The following HERPUD2 variants were observed in gnomAD, a reference collection of about 807,000 sequenced individuals.
HERPUD2 encodes the protein homocysteine-responsive endoplasmic reticulum-resident ubiquitin-like domain member 2 protein.
A neutral mutation model predicts 49.9 loss-of-function variants in HERPUD2; 13 were observed. The observed-to-expected ratio is 0.26, with a 90% CI of 0.17 to 0.41. The LOEUF is 0.41. Among genes scored for constraint, HERPUD2 ranks in the 10% least tolerant of loss-of-function variants. The probability of loss-of-function intolerance (pLI) is 1.00; values close to 1 mark genes in which losing one functional copy is unlikely to be tolerated. For synonymous variants in HERPUD2, 172 were observed against 171.4 expected, an observed-to-expected ratio of 1.00 and a Z score of -0.03; for missense variants, 449 against 492.2, an observed-to-expected ratio of 0.91 and a Z score of 0.83.
At chr7:35,652,352 G>A (rs554566106) in intron 5 of HERPUD2, among the ~76,000 whole-genome samples, 1 of 152,210 alleles carries the variant, frequency 6.6e-6, no homozygotes, top group African/African-American at 2.4e-5. Flanking sequence ...TGGTGCCAGG[G>A]CTCTGACACC....
At chr7:35,634,550 C>T (rs1784839786) in intron 7 of HERPUD2, 121 bp from the exon 8 acceptor site, 1 of 615,430 alleles carries the variant, frequency 1.6e-6, no homozygotes, top group Non-Finnish European at 2.8e-6. Context: ...ATAAAAAGAC[C>T]AAATCTCCCA....
At chr7:35,670,179 A>G (rs747176445) in intron 4 of HERPUD2, 36 bp downstream of exon 4, 14 of 1,056,274 alleles carry the variant, frequency 1.3e-5, no homozygotes, top group Admixed American at 2.5e-5. Flanking sequence ...AAAAAAAAAG[A>G]AAAGTTCAAT....
intron 6 of HERPUD2, 101 bp downstream of exon 6, chr7:35,638,249 A>T: frequency 8.4e-7 from 1 of 1,184,980 alleles, no homozygotes; most frequent in Non-Finnish European, 1.2e-6. Context: ...AACATTAAAT[A>T]CATAAACAAA....
intron 5 of HERPUD2, among the ~76,000 whole-genome samples, chr7:35,658,020 A>G (rs770063373): frequency 4.6e-5 from 7 of 152,208 alleles, no homozygotes; most frequent in Non-Finnish European, 1.0e-4. Flanking sequence ...AGTATGTCAA[A>G]GATACCTGCA....
At chr7:35,641,718 A>G (rs1351014314) in intron 5 of HERPUD2, among the ~76,000 whole-genome samples, 2 of 152,084 alleles carry the variant, frequency 1.3e-5, no homozygotes, top group East Asian at 3.8e-4. Context: ...AGCAATGGGA[A>G]AACTATTCAA....
intron 2 of HERPUD2, among the ~76,000 whole-genome samples, chr7:35,679,212 GA>G (rs1166640418): frequency 2.6e-5 from 4 of 151,970 alleles, no homozygotes; most frequent in Non-Finnish European, 5.9e-5. Flanking sequence ...TTTTTATCCA[GA>G]AAAAAACTCA....
intron 5 of HERPUD2, among the ~76,000 whole-genome samples, chr7:35,656,055 G>A (rs1433719949): frequency 2.6e-5 from 4 of 152,102 alleles, no homozygotes; most frequent in Non-Finnish European, 5.9e-5. Flanking sequence ...CCACTTACTT[G>A]GGAGGCTGAG....
At chr7:35,658,261 A>C (rs1785326006) in intron 5 of HERPUD2, among the ~76,000 whole-genome samples, 1 of 152,206 alleles carries the variant, frequency 6.6e-6, no homozygotes, top group Admixed American at 6.5e-5. Context: ...TCACTCATAT[A>C]TGGAAGCTAA....
chr7:35,660,844 T>TA (rs1785402800), intron 5 of HERPUD2, among the ~76,000 whole-genome samples: 1 of 152,222 alleles, frequency 6.6e-6, no homozygotes, highest in Non-Finnish European at 1.5e-5. Context: ...TTCACTCTGA[T>TA]GGTAGTTTAT....
At chr7:35,658,543 T>C (rs1178907002) in intron 5 of HERPUD2, among the ~76,000 whole-genome samples, 2 of 152,208 alleles carry the variant, frequency 1.3e-5, no homozygotes, top group African/African-American at 2.4e-5. Context: ...TTACACATTC[T>C]ATGCATGTGT....
intron 4 of HERPUD2, among the ~76,000 whole-genome samples, chr7:35,669,567 T>G (rs191484069): frequency 1.1e-4 from 17 of 152,300 alleles, no homozygotes; most frequent in Non-Finnish European, 1.9e-4. Context: ...ATAAAAGGAT[T>G]GGGGACAATG....
At chr7:35,687,928 TTCCTAGTATA>T (rs978014488) in intron 2 of HERPUD2, among the ~76,000 whole-genome samples, 5 of 152,202 alleles carry the variant, frequency 3.3e-5, no homozygotes, top group Non-Finnish European at 7.4e-5. Context: ...AAAAATCATG[TTCCTAGTATA>T]TCCAACTTCA....
At chr7:35,666,070 T>C (rs1467185106) in intron 5 of HERPUD2, among the ~76,000 whole-genome samples, 20 of 152,214 alleles carry the variant, frequency 1.3e-4, no homozygotes, top group Admixed American at 1.2e-3. Context: ...CTGTATAAAC[T>C]GAGAGGAACT....
At chr7:35,664,374 T>C (rs1341433530) in intron 5 of HERPUD2, among the ~76,000 whole-genome samples, 2 of 152,214 alleles carry the variant, frequency 1.3e-5, no homozygotes. Flanking sequence ...TGTCTTGGAA[T>C]TGCTATTCTC....
In HERPUD2 at chr7:35,641,971, A is replaced by G. The variant is rs549682744; in HGVS notation, c.495-3499T>C. 2.6e-5 allele frequency among the ~76,000 whole-genome samples: 4 copies of G among 152,342 alleles called. No homozygotes were observed. In the East Asian group the frequency reaches 7.7e-4, roughly 29 times the overall value. On this transcript the variant is annotated intron_variant, in intron 5 of 8. Transcript: ENST00000311350. ...AAGCAAAAATTGACACATGGGATCT[A>G]ATTAAACTTAAGAGCTTCTGCACAG...
At chr7:35,660,853 AT>A (rs1340931379) in intron 5 of HERPUD2, among the ~76,000 whole-genome samples, 1 of 151,870 alleles carries the variant, frequency 6.6e-6, no homozygotes, top group African/African-American at 2.4e-5. Flanking sequence ...ATGGTAGTTT[AT>A]TTTGCTGGGC....
At chr7:35,666,808 T>C (rs955927636) in intron 5 of HERPUD2, among the ~76,000 whole-genome samples, 1 of 152,228 alleles carries the variant, frequency 6.6e-6, no homozygotes, top group South Asian at 2.1e-4. Flanking sequence ...TTAAGAAAAC[T>C]GCTTTATAAA....
intron 5 of HERPUD2, among the ~76,000 whole-genome samples, chr7:35,648,758 G>A (rs1293311359): frequency 2.6e-5 from 4 of 152,098 alleles, no homozygotes; most frequent in Non-Finnish European, 5.9e-5. Flanking sequence ...AACTTGAAAC[G>A]GCCCTGAACT....
At chr7:35,660,831 C>A (rs1187189332) in intron 5 of HERPUD2, among the ~76,000 whole-genome samples, 2 of 152,146 alleles carry the variant, frequency 1.3e-5, no homozygotes, top group Admixed American at 6.5e-5. Context: ...CGTAGGTTGC[C>A]TGTTCACTCT....
Sources: gnomAD v4.1 joint callset for allele counts (sites outside exome capture counted in the v4.1 genomes callset) on GRCh38, gnomAD v4.1.1 for gene constraint, MANE v1.5 for transcripts, NCBI Gene and HGNC (gene_info 2026-07-23, HGNC 2026-07-21) for gene names.